ZFR: variants seen among roughly 807,000 people sequenced by gnomAD.
ZFR encodes zinc finger RNA binding protein, also known as zinc finger RNA-binding protein.
ZFR carries 19 observed loss-of-function variants against 130.7 expected under a neutral mutation model. That is an observed-to-expected ratio of 0.15 (90% CI 0.10 to 0.21). The LOEUF is 0.21. Ranked by LOEUF, ZFR falls within the 10% of genes least tolerant of loss-of-function variation. The pLI is 1.00. For missense variants in ZFR, 872 were observed against 1,321.5 expected, an observed-to-expected ratio of 0.66 and a Z score of 5.27; for synonymous variants, 466 against 456.9, an observed-to-expected ratio of 1.02 and a Z score of -0.25.
chr5:32,383,844 T>C (rs939145524), intron 15 of ZFR: 1 of 456,164 alleles, frequency 2.2e-6, no homozygotes, highest in Non-Finnish European at 4.4e-6. Context: ...CAAGGAACAC[T>C]ATCAGTGTTT....
In ZFR at chr5:32,417,802, A is replaced by G; in HGVS notation, c.421-10T>C. On this transcript the variant is annotated splice_polypyrimidine_tract_variant and intron_variant, in intron 3 of 19. Coordinates refer to ENST00000265069, the MANE Select transcript of ZFR (RefSeq NM_016107.5). ...CATATGAGTATGAATCCTAAAGAAA[A>G]GGAATGAAAGAAAATCTTGCTATGA... 1 of 1,609,594 alleles carries G rather than the reference A, an allele frequency of 6.2e-7. No individual in the cohort carries two copies. Among genetic ancestry groups the G allele is most frequent in the South Asian group, 1.1e-5 (1 of 90,926 alleles).
chr5:32,379,372 T>C (rs1752890160), intron 16 of ZFR, 162 bp from the exon 17 acceptor site: 1 of 689,164 alleles, frequency 1.5e-6, no homozygotes, highest in Admixed American at 2.1e-5. Context: ...ACAGCAGTAT[T>C]TTATGCCAGG....
chr5:32,375,186 AG>A lies in ZFR; in HGVS notation c.2835+3928del, dbSNP rs1752771201. On this transcript the variant is annotated intron_variant, in intron 17 of 19. Coordinates refer to ENST00000265069, the MANE Select transcript of ZFR (RefSeq NM_016107.5). ...AGAAATCTATTTACACAGTATTAAA[AG>A]GTTGAAGGAGAAAAACTATACATTC... Among the ~76,000 whole-genome samples, 5 of 152,246 alleles carry A rather than the reference AG, an allele frequency of 3.3e-5. No homozygotes were observed. In the South Asian group the frequency reaches 1.0e-3, roughly 31 times the overall value.
chr5:32,356,906 G>A (rs1752329145), intron 19 of ZFR, among the ~76,000 whole-genome samples: 1 of 152,184 alleles, frequency 6.6e-6, no homozygotes, highest in Non-Finnish European at 1.5e-5. Context: ...CTAGTAATAT[G>A]TATGCAAGTC....
chr5:32,404,678 T>C (rs1382444398), intron 6 of ZFR, among the ~76,000 whole-genome samples: 1 of 152,244 alleles, frequency 6.6e-6, no homozygotes, highest in Non-Finnish European at 1.5e-5. Context: ...AATAGTATTA[T>C]AGTTACATTA....
At chr5:32,395,802 C>A (rs932849273) in intron 10 of ZFR, among the ~76,000 whole-genome samples, 15 of 152,048 alleles carry the variant, frequency 9.9e-5, no homozygotes, top group Non-Finnish European at 1.6e-4. Context: ...ATAATATTTT[C>A]TCTTCTCTAG....
intron 15 of ZFR, among the ~76,000 whole-genome samples, chr5:32,382,323 A>AAAACC (rs1752951222): frequency 6.6e-6 from 1 of 152,098 alleles, no homozygotes; most frequent in Non-Finnish European, 1.5e-5. Context: ...AAAGCAAAAC[A>AAAACC]AAACCAAACC....
At chr5:32,373,344 G>C (rs549345271) in intron 17 of ZFR, among the ~76,000 whole-genome samples, 1 of 152,232 alleles carries the variant, frequency 6.6e-6, no homozygotes, top group South Asian at 2.1e-4. Flanking sequence ...AGTGACCCCA[G>C]GTTGAGCCAC....
rs1753273997 is a variant in ZFR, at chr5:32,395,171, C to G, written c.1967G>C (p.Arg656Thr). The G allele has an allele frequency of 6.3e-7, 1 of 1,598,428 alleles. No homozygotes were observed. The highest frequency in any genetic ancestry group is 8.5e-7 in the Non-Finnish European group (1 of 1,173,662). ...WRRREEEERW[R>T]MEMRRYEEDM... The stretch of plus-strand genomic sequence containing the variant: ...TTAAAGATATTACCTCATTTCCATT[C>G]TCCAACGCTCCTCTTCTTCTCGTCT... Residue 656 changes from arginine to threonine, a missense_variant, in exon 11 of 20, where the codon AGA becomes ACA. By Grantham distance (71) the Arg-to-Thr change is moderately conservative. Transcript: ENST00000265069.
chr5:32,414,006 T>C (rs1753768783), intron 5 of ZFR, among the ~76,000 whole-genome samples: 1 of 152,102 alleles, frequency 6.6e-6, no homozygotes, highest in Non-Finnish European at 1.5e-5. Flanking sequence ...GTTGTCCGGT[T>C]AACTTACAAA....
chr5:32,417,550 A>G (rs1485561875), intron 4 of ZFR, 98 bp downstream of exon 4: 10 of 1,465,844 alleles, frequency 6.8e-6, no homozygotes, highest in African/African-American at 1.4e-5. Flanking sequence ...ATGATGTGAT[A>G]TGAGTTTAGA....
chr5:32,415,391 A>G (rs987353728), intron 4 of ZFR, among the ~76,000 whole-genome samples: 1 of 152,084 alleles, frequency 6.6e-6, no homozygotes. Flanking sequence ...CTTCTGCCAA[A>G]TGCTTTCTAT....
chr5:32,373,547 T>C (rs1222093710), intron 17 of ZFR, among the ~76,000 whole-genome samples: 1 of 152,032 alleles, frequency 6.6e-6, no homozygotes, highest in Non-Finnish European at 1.5e-5. Flanking sequence ...AATAAATCAA[T>C]GAATCAAGCA....
chr5:32,370,313 G>C (rs979308957), intron 17 of ZFR, among the ~76,000 whole-genome samples: 3 of 7,150 alleles, frequency 4.2e-4, no homozygotes, highest in African/African-American at 2.2e-3. Context: ...TGTGGGGGGA[G>C]AGAGAGAGAG....
chr5:32,408,663 G>A (rs550421681), intron 5 of ZFR, among the ~76,000 whole-genome samples: 7 of 152,248 alleles, frequency 4.6e-5, no homozygotes, highest in African/African-American at 1.4e-4. Flanking sequence ...TATCACATTC[G>A]TAAGTAATAG....
intron 17 of ZFR, among the ~76,000 whole-genome samples, chr5:32,367,882 T>C (rs1752581545): frequency 6.6e-6 from 1 of 152,170 alleles, no homozygotes. Context: ...AAAAATCCCA[T>C]AAATTTAAGA....
At chr5:32,422,180 T>C (rs753318997) in intron 2 of ZFR, among the ~76,000 whole-genome samples, 3 of 152,032 alleles carry the variant, frequency 2.0e-5, no homozygotes, top group Admixed American at 6.6e-5. Flanking sequence ...GATGGGAATG[T>C]TGAGTCAACC....
intron 2 of ZFR, among the ~76,000 whole-genome samples, chr5:32,436,086 A>G (rs1169874877): frequency 6.7e-6 from 1 of 149,408 alleles, no homozygotes; most frequent in African/African-American, 2.5e-5. Context: ...CTGTTCACAC[A>G]GTATTTCTTT....
chr5:32,415,523 C>CGCGCAT (rs1554073628), intron 4 of ZFR, among the ~76,000 whole-genome samples: 324 of 132,102 alleles, frequency 2.5e-3, no homozygotes, highest in Non-Finnish European at 3.5e-3. Context: ...TGTGCGCGCG[C>CGCGCAT]GCGCGCGCGC....
Sources: allele counts gnomAD v4.1 joint callset (sites outside exome capture counted in the v4.1 genomes callset), GRCh38; gene constraint gnomAD v4.1.1; transcripts MANE v1.5; gene names NCBI Gene and HGNC (gene_info 2026-07-23, HGNC 2026-07-21).